URAD: variants seen among roughly 807,000 people sequenced by gnomAD.
URAD encodes the protein putative 2-oxo-4-hydroxy-4-carboxy-5-ureidoimidazoline decarboxylase.
In URAD, 4 loss-of-function variants were observed where a neutral mutation model predicts 4.6. That is an observed-to-expected ratio of 0.87 (90% CI 0.43 to 1.98). URAD has a LOEUF of 1.98. URAD is among the 30% of genes most tolerant of loss of function. The pLI is 0.03. For synonymous variants in URAD, 144 were observed against 118.2 expected (o/e 1.22, Z -1.41); for missense variants, 300 against 255.3 (o/e 1.18, Z -1.19).
Position 27,988,450 on chromosome 13 carries a change from A to ACT in URAD, c.175+12_175+13insAG, listed in dbSNP as rs755587451. The ACT allele has an allele frequency of 3.4e-5, 53 of 1,573,470 alleles. No homozygotes were observed. The highest frequency in any genetic ancestry group is 4.4e-5 in the Non-Finnish European group (51 of 1,162,432). On this transcript the variant is annotated intron_variant, in intron 1 of 1. Transcript: ENST00000332715. ...AATCCCTTTGCAGAGAATGTCTGAT[A>ACT]CGGAAGCCTTACCTGACTGTGCAAG...
chr13:27,978,717 G>A (rs1416023045), intron 1 of URAD, among the ~76,000 whole-genome samples: 1 of 152,230 alleles, frequency 6.6e-6, no homozygotes, highest in Non-Finnish European at 1.5e-5. Flanking sequence ...AGGATCCAGG[G>A]GCGGGGCGGG....
chr13:27,978,533 G>A, intron 1 of URAD, 81 bp from the exon 2 acceptor site: 4 of 1,118,362 alleles, frequency 3.6e-6, no homozygotes, highest in African/African-American at 1.6e-5. Context: ...CGCGTAGGCC[G>A]CGCCCGGCCC....
At chr13:27,980,753 G>A (rs1869850988) in intron 1 of URAD, among the ~76,000 whole-genome samples, 1 of 152,132 alleles carries the variant, frequency 6.6e-6, no homozygotes, top group Admixed American at 6.5e-5. Flanking sequence ...GGGAGGCGGC[G>A]GCGGCGTCCC....
At chr13:27,978,922 C>CT (rs1320839203) in intron 1 of URAD, among the ~76,000 whole-genome samples, 1 of 151,978 alleles carries the variant, frequency 6.6e-6, no homozygotes, top group Non-Finnish European at 1.5e-5. Flanking sequence ...ACGCAAGGGC[C>CT]TGAAGACTTC....
At chr13:27,978,543 C>CCCCTGCCCCG (rs1293835535) in intron 1 of URAD, 91 bp from the exon 2 acceptor site, 4 of 1,010,624 alleles carry the variant, frequency 4.0e-6, no homozygotes, top group Admixed American at 4.4e-5. Context: ...GCGCCCGGCC[C>CCCCTGCCCCG]CCCTGCCCCG....
chr13:27,988,212 C>T (rs1739080818), intron 1 of URAD, among the ~76,000 whole-genome samples: 1 of 152,126 alleles, frequency 6.6e-6, no homozygotes, highest in Non-Finnish European at 1.5e-5. Flanking sequence ...CCACCTCGGC[C>T]TCCCAAAGTG....
intron 1 of URAD, among the ~76,000 whole-genome samples, chr13:27,985,140 T>C (rs1291101201): frequency 1.3e-5 from 2 of 152,070 alleles, no homozygotes; most frequent in African/African-American, 4.8e-5. Flanking sequence ...TTATCATTTT[T>C]TGGTAGTAAG....
At chr13:27,987,335 C>G (rs2137561538) in intron 1 of URAD, among the ~76,000 whole-genome samples, 1 of 152,282 alleles carries the variant, frequency 6.6e-6, no homozygotes, top group African/African-American at 2.4e-5. Flanking sequence ...GAGTCACCCC[C>G]TCTTCTCCTC....
chr13:27,977,955 T>C lies in URAD; in HGVS notation c.*151A>G. Reference sequence around the variant, plus strand: ...GTGGGCGGACAAAAGGACTCATTACTCGTATGATTGCCTCAATTCTCCACT... The same window carrying C: ...GTGGGCGGACAAAAGGACTCATTACCCGTATGATTGCCTCAATTCTCCACT... On this transcript the variant is annotated 3_prime_UTR_variant, in exon 2 of 2. Transcript: ENST00000332715. 1.6e-6 allele frequency: 1 copy of C among 618,696 alleles called. No homozygotes were observed. Among genetic ancestry groups the C allele is most frequent in the Non-Finnish European group, 2.5e-6 (1 of 394,114 alleles). 38.3% of individuals were successfully genotyped at this position (618,696 alleles called of 1,614,324 possible).
chr13:27,983,442 T>C (rs1869932245), intron 1 of URAD, among the ~76,000 whole-genome samples: 1 of 152,128 alleles, frequency 6.6e-6, no homozygotes, highest in African/African-American at 2.4e-5. Flanking sequence ...TTGGCCAGGC[T>C]GGTCTCGAAC....
chr13:27,983,376 C>T (rs928424912), intron 1 of URAD, among the ~76,000 whole-genome samples: 19 of 152,054 alleles, frequency 1.2e-4, no homozygotes, highest in African/African-American at 4.3e-4. Context: ...ATTACTGGTG[C>T]GTGCTACCAT....
intron 1 of URAD, among the ~76,000 whole-genome samples, chr13:27,986,451 C>G (rs988873362): frequency 1.3e-5 from 2 of 152,090 alleles, no homozygotes; most frequent in African/African-American, 4.8e-5. Flanking sequence ...CTGGACTGAC[C>G]CGGAACTAGA....
At chr13:27,981,009 TCTCTCTCTCTCTCTCTCTC>T (rs765041882) in intron 1 of URAD, among the ~76,000 whole-genome samples, 160 of 88,422 alleles carry the variant, frequency 1.8e-3, no homozygotes, top group African/African-American at 3.7e-3. Flanking sequence ...TTCAGTCGCT[TCTCTCTCTCTCTCTCTCTC>T]CTCTCTCTCT....
intron 1 of URAD, among the ~76,000 whole-genome samples, chr13:27,986,290 C>A (rs1666031671): frequency 6.6e-6 from 1 of 152,164 alleles, no homozygotes; most frequent in Non-Finnish European, 1.5e-5. Flanking sequence ...TTGATTAAGT[C>A]CCAACATCCT....
chr13:27,978,126 C>G lies in URAD; in HGVS notation c.502G>C (p.Ala168Pro), dbSNP rs753973596. 29 of 1,524,980 alleles carry G rather than the reference C, an allele frequency of 1.9e-5. No homozygotes were observed. The highest frequency in any genetic ancestry group is 2.3e-5 in the Non-Finnish European group (27 of 1,149,462). 94.5% of individuals were successfully genotyped at this position (1,524,980 alleles called of 1,614,324 possible). A position where few individuals can be genotyped will look rare whatever the true frequency, so the allele number is the denominator to read the frequency against. Residue 168 changes from alanine to proline, a missense_variant, in exon 2 of 2, where the codon GCA (alanine) becomes CCA (proline). Transcript: ENST00000332715. ...GGCAGCTACAGCTTGGCGGGGTCTG[C>G]GCGGAGGAGGTCGGCCAGGCGCAGG... is the stretch of plus-strand genomic sequence containing the variant. The part of the protein sequence containing the change: ...GSLRLADLLR[A>P]DPAKL
rs1475222406 is a variant in URAD at position 27,978,039 on chromosome 13, G to A, written c.*67C>T. 3.8e-6 allele frequency: 5 copies of A among 1,310,318 alleles called. No homozygotes were observed. The highest frequency in any genetic ancestry group is 4.9e-6 in the Non-Finnish European group (5 of 1,014,064). The allele number at this position is 1,310,318 out of a possible 1,614,324, so 81.2% of individuals were successfully genotyped here. On this transcript the variant is annotated 3_prime_UTR_variant, in exon 2 of 2. Transcript: ENST00000332715. ...CCCGAGTCCGCCTCCCGCCCAGGAC[G>A]CACAGCTCCGGGCCGTGGCCCCCGC... is the stretch of plus-strand genomic sequence containing the variant.
At chr13:27,981,334 C>T (rs1296009294) in intron 1 of URAD, among the ~76,000 whole-genome samples, 1 of 152,160 alleles carries the variant, frequency 6.6e-6, no homozygotes, top group Non-Finnish European at 1.5e-5. Flanking sequence ...TCCTTGCCTC[C>T]AGTCCTCAGT....
At chr13:27,987,940 A>G (rs891609786) in intron 1 of URAD, among the ~76,000 whole-genome samples, 3 of 148,418 alleles carry the variant, frequency 2.0e-5, no homozygotes, top group Non-Finnish European at 4.5e-5. Flanking sequence ...ATAGATTTTT[A>G]AAAACAACTT....
chr13:27,978,398 C>A lies in URAD; in HGVS notation c.230G>T (p.Arg77Leu). The change falls in exon 2 of 2, where the codon CGG (arginine) becomes CTG (leucine). Residue 77 changes from arginine to leucine, a missense_variant. By Grantham distance (102) the Arg-to-Leu change is moderately radical. Transcript: ENST00000332715. ...HPDLAGSELQ[R>L]GTLTAESQRE... ...CTGCGACTCGGCCGTGAGCGTGCCC[C>A]GCTGCAGCTCGCTGCCCGCCAGGTC... is the stretch of plus-strand genomic sequence containing the variant. 2 of 1,395,598 alleles carry A rather than the reference C, an allele frequency of 1.4e-6. No individual in the cohort carries two copies. Among genetic ancestry groups the A allele is most frequent in the South Asian group, 1.6e-5 (1 of 62,312 alleles). 86.5% of individuals were successfully genotyped at this position (1,395,598 alleles called of 1,614,324 possible). A position where few individuals can be genotyped will look rare whatever the true frequency, so the allele number is the denominator to read the frequency against.
Sources: gnomAD v4.1 joint callset for allele counts (sites outside exome capture counted in the v4.1 genomes callset) on GRCh38, gnomAD v4.1.1 for gene constraint, MANE v1.5 for transcripts, NCBI Gene and HGNC (gene_info 2026-07-23, HGNC 2026-07-21) for gene names.